The following SGO2 variants were observed in gnomAD, a reference collection of about 807,000 sequenced individuals.
The protein encoded by SGO2 is shugoshin 2, also known as shugoshin-like 2.
SGO2 carries 68 observed loss-of-function variants against 99.5 expected under a neutral mutation model. That is an observed-to-expected ratio of 0.68 (90% CI 0.56 to 0.84). SGO2 has a LOEUF of 0.84. Among genes scored for constraint, SGO2 ranks in the 40% least tolerant of loss-of-function variants. The pLI is 0.00. For synonymous variants in SGO2, 457 were observed against 487.1 expected, an observed-to-expected ratio of 0.94 and a Z score of 0.81; for missense variants, 1,350 against 1,436.7, an observed-to-expected ratio of 0.94 and a Z score of 0.97.
rs562921589 is a variant in SGO2, at chr2:200,551,273, T to C, written c.473+8609T>C. Among the ~76,000 whole-genome samples, 3 of 152,314 alleles carry C rather than the reference T, an allele frequency of 2.0e-5. No individual in the cohort carries two copies. The East Asian group carries it at 5.8e-4, about 29-fold the overall frequency. On this transcript the variant is annotated intron_variant, in intron 5 of 8. Transcript: ENST00000357799. ...GTGTGGATAAAGTATGGAAGATATATACACAATGGCGTATTATTCAGTCAT... is the reference window on the plus strand; with the variant it reads ...GTGTGGATAAAGTATGGAAGATATACACACAATGGCGTATTATTCAGTCAT...
intron 5 of SGO2, among the ~76,000 whole-genome samples, chr2:200,553,646 C>T (rs777271736): frequency 1.3e-5 from 2 of 152,196 alleles, no homozygotes; most frequent in Non-Finnish European, 2.9e-5. Context: ...TAGTCTTACA[C>T]TTAGCCTGAT....
At chr2:200,565,680 C>G (rs1422439796) in intron 5 of SGO2, among the ~76,000 whole-genome samples, 2 of 152,166 alleles carry the variant, frequency 1.3e-5, no homozygotes, top group Non-Finnish European at 2.9e-5. Context: ...TCCATTCTCC[C>G]CGTCACTTTC....
At chr2:200,539,300 A>C (rs890713191) in intron 4 of SGO2, among the ~76,000 whole-genome samples, 18 of 152,158 alleles carry the variant, frequency 1.2e-4, no homozygotes, top group African/African-American at 4.3e-4. Flanking sequence ...GGATGTTCAC[A>C]GAGTTGACCA....
Position 200,583,551 on chromosome 2 carries a change from A to T in SGO2, c.*87A>T. ...ATAGTATCAAGAAGATGAAATGCTTAATGAAAAGGTTTTTTTTTTGTTTCT... is the reference window on the plus strand; with the variant it reads ...ATAGTATCAAGAAGATGAAATGCTTTATGAAAAGGTTTTTTTTTTGTTTCT... On this transcript the variant is annotated 3_prime_UTR_variant, in exon 9 of 9. Coordinates refer to ENST00000357799, the MANE Select transcript of SGO2 (RefSeq NM_152524.6). 7.8e-7 allele frequency: 1 copy of T among 1,275,546 alleles called. No individual in the cohort carries two copies. The highest frequency in any genetic ancestry group is 1.6e-5 in the South Asian group (1 of 64,086). The allele number at this position is 1,275,546 out of a possible 1,614,324, so 79.0% of individuals were successfully genotyped here.
In SGO2 at chr2:200,555,955, T is replaced by C. The variant is rs370342430; in HGVS notation, c.473+13291T>C. On this transcript the variant is annotated intron_variant, in intron 5 of 8. Coordinates refer to ENST00000357799, the MANE Select transcript of SGO2 (RefSeq NM_152524.6). Reference sequence around the variant, plus strand: ...GAGTCTCAGGCTGTTAGAGCTTGAATATCCGCTTTTTTTGTTTGTTTGTTT... The same window carrying C: ...GAGTCTCAGGCTGTTAGAGCTTGAACATCCGCTTTTTTTGTTTGTTTGTTT... Among the ~76,000 whole-genome samples the C allele has an allele frequency of 1.5e-3, 232 of 152,258 alleles. 1 individual carries two copies. The highest frequency in any genetic ancestry group is 5.2e-3 in the African/African-American group (218 of 41,556).
At chr2:200,533,974 C>A (rs1202710319) in intron 2 of SGO2, among the ~76,000 whole-genome samples, 1 of 152,092 alleles carries the variant, frequency 6.6e-6, no homozygotes, top group African/African-American at 2.4e-5. Flanking sequence ...AATGTTATTA[C>A]TCTTTATCTT....
chr2:200,540,742 A>G (rs1231707550), intron 4 of SGO2, among the ~76,000 whole-genome samples: 1 of 152,240 alleles, frequency 6.6e-6, no homozygotes, highest in Non-Finnish European at 1.5e-5. Flanking sequence ...CTTTTAAAAC[A>G]TTATTGGCTG....
chr2:200,531,072 G>T (rs949025107), intron 1 of SGO2, among the ~76,000 whole-genome samples: 1 of 152,130 alleles, frequency 6.6e-6, no homozygotes, highest in Non-Finnish European at 1.5e-5. Flanking sequence ...GAAAAAAATT[G>T]ATGATATCGG....
intron 1 of SGO2, among the ~76,000 whole-genome samples, chr2:200,529,626 A>C (rs147171819): frequency 6.6e-6 from 1 of 152,160 alleles, no homozygotes; most frequent in African/African-American, 2.4e-5. Flanking sequence ...TCCTGGGTTC[A>C]AGCATTTCTC....
rs187756735 is a variant in SGO2 at position 200,563,806 on chromosome 2, A to T, written c.474-5857A>T. Among the ~76,000 whole-genome samples, 171 of 152,258 alleles carry T rather than the reference A, an allele frequency of 1.1e-3. 1 individual carries two copies. The highest frequency in any genetic ancestry group is 4.0e-3 in the African/African-American group (165 of 41,536). ...TCTTGGGAGTGTGTATGTGTCCAGG[A>T]ATTTATCCATTTCTTCTAGATTTTC... On this transcript the variant is annotated intron_variant, in intron 5 of 8. Transcript: ENST00000357799.
intron 8 of SGO2, among the ~76,000 whole-genome samples, chr2:200,578,865 G>T (rs570914487): frequency 6.6e-6 from 1 of 152,062 alleles, no homozygotes; most frequent in Non-Finnish European, 1.5e-5. Flanking sequence ...TTGAATGTTT[G>T]TTGTTACAAA....
At position 200,532,575 on chromosome 2, in the gene SGO2, C is replaced by A. The variant is rs374158759; in HGVS notation, c.-2-399C>A. 2.0e-3 allele frequency among the ~76,000 whole-genome samples: 305 copies of A among 152,154 alleles called. 1 individual carries two copies. Among genetic ancestry groups the A allele is most frequent in the African/African-American group, 6.9e-3 (287 of 41,496 alleles). The stretch of plus-strand genomic sequence containing the variant: ...TAAGATTTCCTATTTCTCCAACCCC[C>A]TTCCCCACCTTGGATTGGGTATATC... On this transcript the variant is annotated intron_variant, in intron 1 of 8. Coordinates refer to ENST00000357799, the MANE Select transcript of SGO2 (RefSeq NM_152524.6).
intron 5 of SGO2, among the ~76,000 whole-genome samples, chr2:200,559,340 T>C (rs2032848884): frequency 6.6e-6 from 1 of 152,138 alleles, no homozygotes; most frequent in Non-Finnish European, 1.5e-5. Context: ...AGTCTTGCTC[T>C]AGAGGTCTGT....
In SGO2 at chr2:200,578,574, ATCT is replaced by A. The variant is rs879747493; in HGVS notation, c.3782+3121_3782+3123del. Among the ~76,000 whole-genome samples, 10 of 152,336 alleles carry A rather than the reference ATCT, an allele frequency of 6.6e-5. No homozygotes were observed. The East Asian group carries it at 7.7e-4, about 12-fold the overall frequency. ...CTTGTGGTTCTGGACAGAGGGCTTC[ATCT>A]TCTTCTTGTTGACTAGAGGCTGTCC... On this transcript the variant is annotated intron_variant, in intron 8 of 8. Coordinates refer to ENST00000357799, the MANE Select transcript of SGO2 (RefSeq NM_152524.6).
intron 8 of SGO2, among the ~76,000 whole-genome samples, chr2:200,576,580 GAAAA>G: frequency 6.6e-6 from 1 of 150,804 alleles, no homozygotes; most frequent in South Asian, 2.1e-4. Context: ...TCTCAAAAAA[GAAAA>G]AAAAAGTATG....
In SGO2 at chr2:200,573,683, G is replaced by A. The variant is rs1422815816; in HGVS notation, c.3337G>A (p.Ala1113Thr). The A allele has an allele frequency of 6.2e-7, 1 of 1,613,314 alleles. No homozygotes were observed. The highest frequency in any genetic ancestry group is 2.2e-5 in the East Asian group (1 of 44,840). The change falls in exon 7 of 9, where the codon GCT (alanine) becomes ACT (threonine). Residue 1113 changes from alanine to threonine, a missense_variant. Coordinates refer to ENST00000357799, the MANE Select transcript of SGO2 (RefSeq NM_152524.6). ...GGGAAAGTCTACTGTATCTGAACAA[G>A]CTGATAAGGAAAACAATTTGGAGAA... is the stretch of plus-strand genomic sequence containing the variant. ...VQGKSTVSEQ[A>T]DKENNLENEK...
intron 5 of SGO2, among the ~76,000 whole-genome samples, chr2:200,544,615 C>A (rs1037503766): frequency 1.3e-5 from 2 of 152,142 alleles, no homozygotes; most frequent in African/African-American, 4.8e-5. Context: ...ACAAATAGGG[C>A]TGCCACATAT....
chr2:200,577,218 C>T (rs982596990), intron 8 of SGO2, among the ~76,000 whole-genome samples: 2 of 151,568 alleles, frequency 1.3e-5, no homozygotes, highest in Non-Finnish European at 2.9e-5. Context: ...TGATTCTAGC[C>T]GTCCTAGTGG....
intron 5 of SGO2, chr2:200,543,604 G>C (rs2032068372): frequency 6.6e-6 from 1 of 152,178 alleles, no homozygotes; most frequent in Admixed American, 6.5e-5. Flanking sequence ...CTGTGCCATA[G>C]TAAAAAATTC....
Sources: gnomAD v4.1 joint callset for allele counts (sites outside exome capture counted in the v4.1 genomes callset) on GRCh38, gnomAD v4.1.1 for gene constraint, MANE v1.5 for transcripts, NCBI Gene and HGNC (gene_info 2026-07-23, HGNC 2026-07-21) for gene names.